The following IGF1R variants were observed in gnomAD, a reference collection of about 807,000 sequenced individuals.
The protein encoded by IGF1R is insulin-like growth factor 1 receptor.
Under a neutral mutation model 144.6 loss-of-function variants are expected in IGF1R, and 44 were observed. The ratio of observed to expected loss-of-function variants is 0.30; its 90% CI spans 0.24 to 0.39. The LOEUF (loss-of-function observed/expected upper bound fraction) is 0.39. IGF1R is among the 10% of genes least tolerant of loss of function. The probability of loss-of-function intolerance (pLI) is 1.00; values close to 1 mark genes in which losing one functional copy is unlikely to be tolerated. For synonymous variants in IGF1R, 795 were observed against 722.8 expected (o/e 1.10, Z -1.60); for missense variants, 1,355 against 1,833.7 (o/e 0.74, Z 4.77).
At chr15:98,812,894 G>A (rs1015249607) in intron 2 of IGF1R, among the ~76,000 whole-genome samples, 24 of 152,174 alleles carry the variant, frequency 1.6e-4, no homozygotes, top group African/African-American at 5.1e-4. Flanking sequence ...GCTGTGAAAT[G>A]TACTGTTGTT....
intron 2 of IGF1R, among the ~76,000 whole-genome samples, chr15:98,743,579 A>G (rs1285088219): frequency 1.3e-5 from 2 of 152,226 alleles, no homozygotes; most frequent in African/African-American, 4.8e-5. Context: ...TAATGTGGAA[A>G]GGGTTTGGGG....
At chr15:98,918,202 G>A (rs895509513) in intron 10 of IGF1R, among the ~76,000 whole-genome samples, 4 of 152,152 alleles carry the variant, frequency 2.6e-5, no homozygotes, top group African/African-American at 9.7e-5. Context: ...AGGCCAAGGA[G>A]TTGGATTTAA....
intron 8 of IGF1R, among the ~76,000 whole-genome samples, chr15:98,915,410 G>T (rs2015199554): frequency 6.6e-6 from 1 of 152,176 alleles, no homozygotes; most frequent in African/African-American, 2.4e-5. Context: ...CGTGTTCTTT[G>T]CATTGCCTCT....
Position 98,942,939 on chromosome 15 carries a change from A to C in IGF1R, c.3474A>C (p.Arg1158=), listed in dbSNP as rs2016419917. Residue 1158 remains arginine, a synonymous_variant, in exon 19 of 21, where the codon CGA becomes CGC. Coordinates refer to ENST00000650285, the MANE Select transcript of IGF1R (RefSeq NM_000875.5). ...TVKIGDFGMT[R]DIYETDYYRK... ...CCCTTACAGATTTTGGTATGACGCG[A>C]GATATCTATGAGACAGACTATTACC... is the stretch of plus-strand genomic sequence containing the variant. 1 of 1,614,170 alleles carries C rather than the reference A, an allele frequency of 6.2e-7. No individual in the cohort carries two copies. The highest frequency in any genetic ancestry group is 8.5e-7 in the Non-Finnish European group (1 of 1,180,018).
chr15:98,713,839 T>G (rs3759906), intron 2 of IGF1R, among the ~76,000 whole-genome samples: 1 of 152,176 alleles, frequency 6.6e-6, no homozygotes, highest in African/African-American at 2.4e-5. Flanking sequence ...TTTTAACCCA[T>G]TGGGATGAAC....
Position 98,898,959 on chromosome 15 carries a change from T to C in IGF1R, c.1103-518T>C, listed in dbSNP as rs559266747. ...GCAGAAATGAATTTTTAAAAATCCCTCATAGATAGCCATTGTTAACATTTT... is the reference window on the plus strand; with the variant it reads ...GCAGAAATGAATTTTTAAAAATCCCCCATAGATAGCCATTGTTAACATTTT... On this transcript the variant is annotated intron_variant, in intron 4 of 20. Transcript: ENST00000650285. Among the ~76,000 whole-genome samples, 5 of 152,360 alleles carry C rather than the reference T, an allele frequency of 3.3e-5. No homozygotes were observed. In the East Asian group the frequency reaches 9.6e-4, roughly 29 times the overall value.
chr15:98,924,109 C>A, intron 12 of IGF1R, 97 bp downstream of exon 12: 1 of 1,214,708 alleles, frequency 8.2e-7, no homozygotes, highest in Non-Finnish European at 1.2e-6. Context: ...TAGCATAGGA[C>A]TTAAAACAAT....
chr15:98,759,009 A>G (rs529413900), intron 2 of IGF1R, among the ~76,000 whole-genome samples: 1 of 152,346 alleles, frequency 6.6e-6, no homozygotes, highest in East Asian at 1.9e-4. Context: ...ATACTTATAT[A>G]AAGGAAGCAT....
chr15:98,817,109 C>T (rs1270983211), intron 2 of IGF1R, among the ~76,000 whole-genome samples: 2 of 151,984 alleles, frequency 1.3e-5, no homozygotes, highest in Non-Finnish European at 2.9e-5. Context: ...TCAAGAACAG[C>T]CTGGCCAACA....
At chr15:98,701,573 C>G (rs2053734453) in intron 1 of IGF1R, among the ~76,000 whole-genome samples, 1 of 151,978 alleles carries the variant, frequency 6.6e-6, no homozygotes, top group Non-Finnish European at 1.5e-5. Context: ...ATCTTCTGAC[C>G]CGTGATCCTA....
At chr15:98,663,932 T>G (rs1025943338) in intron 1 of IGF1R, among the ~76,000 whole-genome samples, 4 of 152,252 alleles carry the variant, frequency 2.6e-5, no homozygotes, top group Non-Finnish European at 5.9e-5. Flanking sequence ...GTAAATTGAC[T>G]GGACACATTG....
intron 2 of IGF1R, among the ~76,000 whole-genome samples, chr15:98,754,319 C>G (rs1353337517): frequency 1.3e-5 from 2 of 152,174 alleles, no homozygotes; most frequent in African/African-American, 4.8e-5. Context: ...GTAGAGGGCT[C>G]TACTAGTGCT....
At chr15:98,942,181 C>T (rs1296399559) in intron 18 of IGF1R, among the ~76,000 whole-genome samples, 1 of 152,048 alleles carries the variant, frequency 6.6e-6, no homozygotes, top group Non-Finnish European at 1.5e-5. Flanking sequence ...TACTTTTCTC[C>T]AGTGGTGGGG....
chr15:98,894,068 A>AT (rs890259675), intron 3 of IGF1R, among the ~76,000 whole-genome samples: 38 of 149,200 alleles, frequency 2.5e-4, no homozygotes, highest in East Asian at 2.4e-3. Flanking sequence ...GATTGGTTCC[A>AT]TTTTTTTTTT....
chr15:98,914,671 C>T (rs1230236997), intron 8 of IGF1R, among the ~76,000 whole-genome samples: 2 of 152,172 alleles, frequency 1.3e-5, no homozygotes, highest in Non-Finnish European at 2.9e-5. Context: ...GGAATATCTG[C>T]TTATTGTGAC....
intron 15 of IGF1R, among the ~76,000 whole-genome samples, chr15:98,930,689 G>A (rs144678272): frequency 6.6e-6 from 1 of 152,114 alleles, no homozygotes; most frequent in Non-Finnish European, 1.5e-5. Flanking sequence ...ACTAGTTTCA[G>A]CTTGAGTATC....
intron 2 of IGF1R, among the ~76,000 whole-genome samples, chr15:98,780,570 AAAAAAGAGAGAG>A (rs1353135056): frequency 7.2e-4 from 23 of 32,118 alleles, no homozygotes; most frequent in Non-Finnish European, 3.8e-3. Flanking sequence ...AAAAAAAAAA[AAAAAAGAGAGAG>A]AGAGTAAATA....
chr15:98,821,685 A>T (rs1015183735), intron 2 of IGF1R, among the ~76,000 whole-genome samples: 1 of 152,212 alleles, frequency 6.6e-6, no homozygotes, highest in African/African-American at 2.4e-5. Flanking sequence ...AGTGATGAGA[A>T]TGGGACAGCT....
At chr15:98,868,350 A>G (rs2012574636) in intron 2 of IGF1R, among the ~76,000 whole-genome samples, 1 of 126,444 alleles carries the variant, frequency 7.9e-6, no homozygotes, top group Admixed American at 9.3e-5. Flanking sequence ...AAAAAGCCAA[A>G]TCTGTTGGGT....
Sources: gnomAD v4.1 joint callset for allele counts (sites outside exome capture counted in the v4.1 genomes callset) on GRCh38, gnomAD v4.1.1 for gene constraint, MANE v1.5 for transcripts, NCBI Gene and HGNC (gene_info 2026-07-23, HGNC 2026-07-21) for gene names.